The following DACH2 variants were observed in gnomAD, a reference collection of about 807,000 sequenced individuals.
DACH2 encodes the protein dachshund homolog 2.
DACH2 carries 17 observed loss-of-function variants against 35.8 expected under a neutral mutation model. That is an observed-to-expected ratio of 0.48 (90% CI 0.33 to 0.71). DACH2 has a LOEUF of 0.71. Among genes scored for constraint, DACH2 ranks in the 30% least tolerant of loss-of-function variants. The pLI is 0.02. For synonymous variants in DACH2, 195 were observed against 177.3 expected (o/e 1.10, Z -0.79); for missense variants, 469 against 472.7 (o/e 0.99, Z 0.07).
chrX:86,770,736 C>G (rs989943469), intron 7 of DACH2, among the ~76,000 whole-genome samples: 3 of 111,899 alleles, frequency 2.7e-5, no homozygotes, highest in Non-Finnish European at 1.9e-5. Context: ...TTAGTTCTAA[C>G]ATGTTGTGAG....
chrX:86,359,246 A>G (rs1293602230), intron 1 of DACH2, among the ~76,000 whole-genome samples: 1 of 111,397 alleles, frequency 9.0e-6, no homozygotes, highest in Non-Finnish European at 1.9e-5. Flanking sequence ...AAAATAAAAT[A>G]TAAAGTCAAA....
intron 1 of DACH2, among the ~76,000 whole-genome samples, chrX:86,292,797 G>C (rs1208977063): frequency 9.0e-6 from 1 of 111,458 alleles, no homozygotes; most frequent in Non-Finnish European, 1.9e-5. Context: ...GAGATAGTTT[G>C]TTATAATTTC....
chrX:86,711,062 A>G lies in DACH2; in HGVS notation c.932-3486A>G, dbSNP rs189483148. Reference sequence around the variant, plus strand: ...ACATAAAAATTATAGGAGTTGCTGAAATACCAAGATGCATTAGAAATTATT... The same window carrying G: ...ACATAAAAATTATAGGAGTTGCTGAGATACCAAGATGCATTAGAAATTATT... On this transcript the variant is annotated intron_variant, in intron 5 of 11. Transcript: ENST00000373125. 3.4e-4 allele frequency among the ~76,000 whole-genome samples: 38 copies of G among 112,399 alleles called. No individual in the cohort carries two copies. In the East Asian group the frequency reaches 9.6e-3, roughly 28 times the overall value.
intron 7 of DACH2, among the ~76,000 whole-genome samples, chrX:86,795,880 G>T (rs112847478): frequency 0.063 from 5,617 of 89,093 alleles, 381 homozygotes; most frequent in African/African-American, 0.19. Context: ...GTGGGTTCGT[G>T]GTCTTGCTGA....
intron 7 of DACH2, among the ~76,000 whole-genome samples, chrX:86,796,039 G>C (rs1317920875): frequency 1.8e-5 from 2 of 111,911 alleles, no homozygotes; most frequent in East Asian, 2.8e-4. Flanking sequence ...GCGGGTTGCC[G>C]CTGCTGGCTT....
At chrX:86,543,199 T>G (rs1326516838) in intron 3 of DACH2, among the ~76,000 whole-genome samples, 1 of 111,575 alleles carries the variant, frequency 9.0e-6, no homozygotes, top group Admixed American at 9.5e-5. Flanking sequence ...AGCATGGGAC[T>G]ACTGCACATA....
chrX:86,471,371 G>A (rs1272100717), intron 2 of DACH2, among the ~76,000 whole-genome samples: 1 of 111,268 alleles, frequency 9.0e-6, no homozygotes, highest in Non-Finnish European at 1.9e-5. Flanking sequence ...TAAAACATCA[G>A]TCTTATTATT....
chrX:86,220,371 TC>T (rs1343390684), intron 1 of DACH2, among the ~76,000 whole-genome samples: 1 of 111,042 alleles, frequency 9.0e-6, no homozygotes, highest in Non-Finnish European at 1.9e-5. Flanking sequence ...TTGGAACAAT[TC>T]CCCATTTCCC....
chrX:86,292,419 A>T (rs1387808731), intron 1 of DACH2, among the ~76,000 whole-genome samples: 1 of 99,348 alleles, frequency 1.0e-5, no homozygotes, highest in Non-Finnish European at 2.0e-5. Flanking sequence ...TTGTGTCTCT[A>T]TTTCCTTCAG....
At chrX:86,181,302 A>G (rs961696747) in intron 1 of DACH2, among the ~76,000 whole-genome samples, 2 of 110,539 alleles carry the variant, frequency 1.8e-5, no homozygotes, top group Non-Finnish European at 3.8e-5. Flanking sequence ...CGTCATCTAC[A>G]TTAGGTATTT....
chrX:86,481,272 T>C (rs1280980501), intron 2 of DACH2: 1 of 111,927 alleles, frequency 8.9e-6, no homozygotes, highest in Non-Finnish European at 1.9e-5. Flanking sequence ...TCTCATTAGA[T>C]TATGAACTCT....
chrX:86,752,909 T>C (rs1267708247), intron 7 of DACH2, among the ~76,000 whole-genome samples: 1 of 111,461 alleles, frequency 9.0e-6, no homozygotes, highest in East Asian at 2.8e-4. Context: ...TATGAACTTA[T>C]TAGAACAGTT....
chrX:86,398,801 T>C (rs748695451), intron 2 of DACH2, among the ~76,000 whole-genome samples: 2 of 111,897 alleles, frequency 1.8e-5, no homozygotes, highest in Admixed American at 1.9e-4. Context: ...AGGAGTGCTT[T>C]ACTTCCAACT....
intron 7 of DACH2, among the ~76,000 whole-genome samples, chrX:86,807,508 T>C (rs1195881479): frequency 1.8e-5 from 2 of 111,825 alleles, no homozygotes; most frequent in Non-Finnish European, 3.8e-5. Context: ...TGTATTTTGC[T>C]CTTCATTATG....
At chrX:86,785,716 G>A (rs1182049393) in intron 7 of DACH2, among the ~76,000 whole-genome samples, 1 of 111,473 alleles carries the variant, frequency 9.0e-6, no homozygotes, top group African/African-American at 3.3e-5. Flanking sequence ...GAAAACCTTA[G>A]GAGCATAATT....
At position 86,333,430 on chromosome X, in the gene DACH2, C is replaced by A. The variant is rs1012063781; in HGVS notation, c.489-43394C>A. On this transcript the variant is annotated intron_variant, in intron 1 of 11. Transcript: ENST00000373125. ...CCAGTAAGTCTATGGGAAGGAGTGA[C>A]CTTGCTGACCTTCTCACACTCTTAA... is the stretch of plus-strand genomic sequence containing the variant. Among the ~76,000 whole-genome samples, 4 of 111,367 alleles carry A rather than the reference C, an allele frequency of 3.6e-5. No individual in the cohort carries two copies. The East Asian group carries it at 1.1e-3, about 32-fold the overall frequency.
chrX:86,445,048 T>G (rs778080908), intron 2 of DACH2, among the ~76,000 whole-genome samples: 1 of 111,186 alleles, frequency 9.0e-6, no homozygotes, highest in African/African-American at 3.3e-5. Context: ...CTGTTCTCAA[T>G]CCTCTTCTTT....
At chrX:86,489,179 A>T (rs1181029335) in intron 2 of DACH2, among the ~76,000 whole-genome samples, 2 of 111,146 alleles carry the variant, frequency 1.8e-5, no homozygotes, top group East Asian at 5.6e-4. Context: ...TTTCCAAAGT[A>T]TTTGAAGATA....
At chrX:86,728,835 T>A (rs1037698304) in intron 6 of DACH2, among the ~76,000 whole-genome samples, 3 of 112,928 alleles carry the variant, frequency 2.7e-5, no homozygotes, top group African/African-American at 9.6e-5. Context: ...TTAGCAGCCT[T>A]TGCTAGGTTT....
Sources: allele counts gnomAD v4.1 joint callset (sites outside exome capture counted in the v4.1 genomes callset), GRCh38; gene constraint gnomAD v4.1.1; transcripts MANE v1.5; gene names NCBI Gene and HGNC (gene_info 2026-07-23, HGNC 2026-07-21).